RAB11FIP3: variants seen among roughly 807,000 people sequenced by gnomAD.
RAB11FIP3 encodes the protein rab11 family-interacting protein 3.
In RAB11FIP3, 17 loss-of-function variants were observed where a neutral mutation model predicts 77.8. That is an observed-to-expected ratio of 0.22 (90% CI 0.15 to 0.33). The LOEUF (loss-of-function observed/expected upper bound fraction) is 0.33. RAB11FIP3 is among the 10% of genes least tolerant of loss of function. The probability of loss-of-function intolerance (pLI) is 1.00; values close to 1 mark genes in which losing one functional copy is unlikely to be tolerated. For missense variants in RAB11FIP3, 1,005 were observed against 1,011.2 expected (o/e 0.99, Z 0.08); for synonymous variants, 437 against 448.2 (o/e 0.98, Z 0.31).
At chr16:497,777 G>A (rs1487336006) in intron 6 of RAB11FIP3, among the ~76,000 whole-genome samples, 3 of 152,038 alleles carry the variant, frequency 2.0e-5, no homozygotes, top group Non-Finnish European at 4.4e-5. Context: ...AGATAAACTT[G>A]AGCTTGGGTT....
intron 5 of RAB11FIP3, among the ~76,000 whole-genome samples, chr16:494,582 A>G (rs1199146615): frequency 6.6e-6 from 1 of 152,068 alleles, no homozygotes; most frequent in Non-Finnish European, 1.5e-5. Context: ...AGATCATGCC[A>G]CTGCACTCCA....
chr16:492,539 CAG>C (rs2030654832), intron 5 of RAB11FIP3, among the ~76,000 whole-genome samples: 1 of 151,754 alleles, frequency 6.6e-6, no homozygotes, highest in African/African-American at 2.4e-5. Flanking sequence ...CGAGGCCGTC[CAG>C]AATCTTGGAT....
intron 4 of RAB11FIP3, 125 bp from the exon 5 acceptor site, chr16:488,726 T>TTTTA: frequency 1.1e-6 from 1 of 873,002 alleles, no homozygotes; most frequent in Non-Finnish European, 1.6e-6. Flanking sequence ...TTTTTTTTTT[T>TTTTA]AAACGTGGCT....
At chr16:438,973 C>T (rs568135793) in intron 1 of RAB11FIP3, among the ~76,000 whole-genome samples, 17 of 152,306 alleles carry the variant, frequency 1.1e-4, no homozygotes, top group Admixed American at 2.6e-4. Context: ...AGGCGTGAAC[C>T]GCCGCGCCCG....
chr16:473,281 C>T (rs549849498), intron 3 of RAB11FIP3, among the ~76,000 whole-genome samples: 7 of 152,276 alleles, frequency 4.6e-5, no homozygotes, highest in African/African-American at 1.4e-4. Flanking sequence ...CAGAGCTAAT[C>T]CTTCTCATAT....
chr16:447,461 G>A (rs911106959), intron 1 of RAB11FIP3, among the ~76,000 whole-genome samples: 4 of 152,112 alleles, frequency 2.6e-5, no homozygotes, highest in South Asian at 2.1e-4. Context: ...TATTGTGGCC[G>A]GGCGCAGTGG....
At chr16:463,767 T>G (rs2055657490) in intron 2 of RAB11FIP3, among the ~76,000 whole-genome samples, 1 of 152,160 alleles carries the variant, frequency 6.6e-6, no homozygotes, top group African/African-American at 2.4e-5. Flanking sequence ...TTTATTTGAC[T>G]GTCTGTTCTT....
rs2054930483 is a variant in RAB11FIP3, at chr16:425,920, G to A, written c.-87G>A. The A allele has an allele frequency of 4.3e-6, 2 of 463,350 alleles. No individual in the cohort carries two copies. The highest frequency in any genetic ancestry group is 5.7e-6 in the Non-Finnish European group (2 of 353,582). The allele number at this position is 463,350 out of a possible 1,614,324, so 28.7% of individuals were successfully genotyped here. A position where few individuals can be genotyped will look rare whatever the true frequency, so the allele number is the denominator to read the frequency against. On this transcript the variant is annotated 5_prime_UTR_variant, in exon 1 of 14. Transcript: ENST00000262305. ...CGCCCCGCGCGCGCCCGCCCGCGCC[G>A]CCGAGGGGATGCCCGCGCCCGCCGC...
At chr16:493,243 T>C in intron 5 of RAB11FIP3, among the ~76,000 whole-genome samples, 1 of 118,996 alleles carries the variant, frequency 8.4e-6, no homozygotes, top group African/African-American at 3.3e-5. Flanking sequence ...AGAGCCAAAC[T>C]CTGACTCCAA....
At chr16:470,204 G>A (rs2055784934) in intron 2 of RAB11FIP3, among the ~76,000 whole-genome samples, 1 of 151,572 alleles carries the variant, frequency 6.6e-6, no homozygotes, top group African/African-American at 2.4e-5. Context: ...CACCATGTTG[G>A]TCAGGCTGGT....
chr16:493,989 T>C (rs867883236), intron 5 of RAB11FIP3, among the ~76,000 whole-genome samples: 2 of 136,892 alleles, frequency 1.5e-5, no homozygotes, highest in African/African-American at 2.8e-5. Flanking sequence ...CTGCAACCTC[T>C]GCCTCCCGGG....
chr16:492,241 C>T (rs1284323215), intron 5 of RAB11FIP3, among the ~76,000 whole-genome samples: 1 of 152,124 alleles, frequency 6.6e-6, no homozygotes, highest in African/African-American at 2.4e-5. Flanking sequence ...CACAGGGCCC[C>T]CAGCCAGTGC....
chr16:509,906 G>C (rs745985934), intron 8 of RAB11FIP3, among the ~76,000 whole-genome samples: 48 of 152,236 alleles, frequency 3.2e-4, no homozygotes, highest in Non-Finnish European at 6.2e-4. Context: ...TACTGCAGCT[G>C]AAGGCAGACT....
Position 472,150 on chromosome 16 carries a change from G to A in RAB11FIP3, c.903+761G>A, listed in dbSNP as rs2055820747. On this transcript the variant is annotated intron_variant, in intron 3 of 13. Coordinates refer to ENST00000262305, the MANE Select transcript of RAB11FIP3 (RefSeq NM_014700.4). This position sits in a 1 kb window ranked among gnomAD's most constrained non-coding sequence, Gnocchi z 4.1. ...GAGCCCTGACTCCTCGAAAGCTGAGGCTGGCACAGGGTAGTTTTTGAGTTG... is the reference window on the plus strand; with the variant it reads ...GAGCCCTGACTCCTCGAAAGCTGAGACTGGCACAGGGTAGTTTTTGAGTTG... Among the ~76,000 whole-genome samples, 1 of 152,210 alleles carries A rather than the reference G, an allele frequency of 6.6e-6. No individual in the cohort carries two copies.
At chr16:466,873 G>C (rs145678268) in intron 2 of RAB11FIP3, among the ~76,000 whole-genome samples, 1 of 152,178 alleles carries the variant, frequency 6.6e-6, no homozygotes, top group Non-Finnish European at 1.5e-5. Flanking sequence ...TTGAGAGGGC[G>C]GTGAGCTAGT....
intron 1 of RAB11FIP3, among the ~76,000 whole-genome samples, chr16:437,966 C>T (rs540982621): frequency 1.3e-5 from 2 of 152,046 alleles, no homozygotes; most frequent in African/African-American, 4.8e-5. Flanking sequence ...CGTGCCAGCA[C>T]ACCTGCTTAA....
intron 2 of RAB11FIP3, among the ~76,000 whole-genome samples, chr16:464,433 C>T (rs1282836528): frequency 1.3e-5 from 2 of 152,142 alleles, no homozygotes; most frequent in East Asian, 1.9e-4. Flanking sequence ...TGCTGCATGG[C>T]GTGCTGCAGG....
chr16:519,724 C>T (rs182226106), intron 10 of RAB11FIP3, 30 bp from the exon 11 acceptor site: 170 of 1,607,084 alleles, frequency 1.1e-4, no homozygotes, highest in African/African-American at 7.1e-4. Context: ...GTGCGTGACC[C>T]GCATCCAGGG....
chr16:474,201 G>A (rs566443924), intron 3 of RAB11FIP3, among the ~76,000 whole-genome samples: 3 of 152,260 alleles, frequency 2.0e-5, no homozygotes, highest in Admixed American at 6.5e-5. Flanking sequence ...TCCACTGGTA[G>A]TCTTCAGGTA....
Sources: gnomAD v4.1 joint callset for allele counts (sites outside exome capture counted in the v4.1 genomes callset) on GRCh38, gnomAD v4.1.1 for gene constraint, Gnocchi (gnomAD v3.1) non-coding constraint, MANE v1.5 for transcripts, NCBI Gene and HGNC (gene_info 2026-07-23, HGNC 2026-07-21) for gene names.